Variants in PID1 observed in about 807,000 individuals in gnomAD.
The protein encoded by PID1 is PTB-containing, cubilin and LRP1-interacting protein.
A neutral mutation model predicts 19.1 loss-of-function variants in PID1; 10 were observed. That is an observed-to-expected ratio of 0.52 (90% CI 0.32 to 0.89). The LOEUF is 0.89. Among genes scored for constraint, PID1 ranks in the 40% least tolerant of loss-of-function variants. PID1 has a pLI of 0.03. For synonymous variants in PID1, 130 were observed against 116.0 expected, an observed-to-expected ratio of 1.12 and a Z score of -0.78; for missense variants, 248 against 285.3, an observed-to-expected ratio of 0.87 and a Z score of 0.94.
chr2:229,029,895 T>C (rs534864961), intron 2 of PID1, among the ~76,000 whole-genome samples: 52 of 151,834 alleles, frequency 3.4e-4, no homozygotes, highest in African/African-American at 1.2e-3. Flanking sequence ...GTAGTTCCAC[T>C]TCTGGGTATA....
chr2:229,140,663 T>C (rs560116444), intron 2 of PID1, among the ~76,000 whole-genome samples: 12 of 152,274 alleles, frequency 7.9e-5, no homozygotes, highest in Non-Finnish European at 1.2e-4. Flanking sequence ...TATCCATTAT[T>C]GTTAAAGAAG....
intron 1 of PID1, among the ~76,000 whole-genome samples, chr2:229,157,370 C>T (rs916812488): frequency 8.7e-5 from 13 of 149,486 alleles, no homozygotes; most frequent in African/African-American, 3.2e-4. Flanking sequence ...GCGGAGGTTG[C>T]AGTGAGCCGA....
At chr2:229,065,822 A>G (rs1241287211) in intron 2 of PID1, among the ~76,000 whole-genome samples, 1 of 151,834 alleles carries the variant, frequency 6.6e-6, no homozygotes, top group Non-Finnish European at 1.5e-5. Context: ...CACATAGTCT[A>G]TTGCAACACA....
At chr2:229,074,255 T>A (rs764296347) in intron 2 of PID1, among the ~76,000 whole-genome samples, 11 of 152,144 alleles carry the variant, frequency 7.2e-5, no homozygotes, top group Non-Finnish European at 1.5e-4. Context: ...TCCTCTAGGT[T>A]TTCTGGGAAA....
intron 2 of PID1, among the ~76,000 whole-genome samples, chr2:229,061,409 T>G (rs1412141368): frequency 6.6e-6 from 1 of 151,984 alleles, no homozygotes; most frequent in Non-Finnish European, 1.5e-5. Flanking sequence ...AAAAAACAAT[T>G]GACTATAAAT....
At position 229,091,340 on chromosome 2, in the gene PID1, G is replaced by C. The variant is rs1694873861; in HGVS notation, c.177+64478C>G. ...AGAGAGTCTATTCAAATAAGTAAGA[G>C]ATTCACAAAAACTCCCTCTGGTAAA... On this transcript the variant is annotated intron_variant, in intron 2 of 2. Coordinates refer to ENST00000392055, the MANE Select transcript of PID1 (RefSeq NM_001100818.2). Among the ~76,000 whole-genome samples the C allele has an allele frequency of 2.7e-5, 4 of 147,428 alleles. No homozygotes were observed. The Admixed American group carries it at 2.7e-4, about 10-fold the overall frequency.
At chr2:229,230,114 T>C (rs1473500537) in intron 1 of PID1, among the ~76,000 whole-genome samples, 2 of 152,224 alleles carry the variant, frequency 1.3e-5, no homozygotes, top group South Asian at 2.1e-4. Flanking sequence ...TATACACTTC[T>C]CTAATTGTAA....
intron 1 of PID1, among the ~76,000 whole-genome samples, chr2:229,246,709 T>C (rs1426112258): frequency 6.6e-6 from 1 of 152,166 alleles, no homozygotes; most frequent in Non-Finnish European, 1.5e-5. Flanking sequence ...AAAACCTGCC[T>C]CCAATCCTTC....
intron 2 of PID1, among the ~76,000 whole-genome samples, chr2:229,134,763 A>G (rs1245658909): frequency 6.6e-6 from 1 of 152,204 alleles, no homozygotes; most frequent in Non-Finnish European, 1.5e-5. Flanking sequence ...GTCATGTGGC[A>G]GTATTAAGCA....
At chr2:229,225,186 C>T (rs1427350027) in intron 1 of PID1, among the ~76,000 whole-genome samples, 3 of 152,096 alleles carry the variant, frequency 2.0e-5, no homozygotes, top group Non-Finnish European at 2.9e-5. Flanking sequence ...CAGCTAGATT[C>T]GAGGAAATTT....
chr2:229,161,497 A>G (rs17614232), intron 1 of PID1, among the ~76,000 whole-genome samples: 48,962 of 152,074 alleles, frequency 0.32, 8,655 homozygotes, highest in East Asian at 0.71. Context: ...ATGAAAAATC[A>G]CCTGTGAAAA....
chr2:229,069,139 GTT>G (rs71412190), intron 2 of PID1, among the ~76,000 whole-genome samples: 21,174 of 143,914 alleles, frequency 0.15, 1,709 homozygotes, highest in African/African-American at 0.22. Context: ...AACGAGAAGG[GTT>G]TTTGTGTGTG....
intron 2 of PID1, among the ~76,000 whole-genome samples, chr2:229,059,156 T>C (rs1694161254): frequency 6.6e-6 from 1 of 152,148 alleles, no homozygotes; most frequent in South Asian, 2.1e-4. Flanking sequence ...GGATGAGACA[T>C]GAGGGAGTGG....
At chr2:229,088,111 T>C (rs971163829) in intron 2 of PID1, among the ~76,000 whole-genome samples, 4 of 152,184 alleles carry the variant, frequency 2.6e-5, no homozygotes, top group African/African-American at 9.7e-5. Context: ...CTCCTTTCAC[T>C]AACAGCTCCT....
At chr2:229,133,572 T>C (rs1689789164) in intron 2 of PID1, among the ~76,000 whole-genome samples, 1 of 152,244 alleles carries the variant, frequency 6.6e-6, no homozygotes, top group Non-Finnish European at 1.5e-5. Flanking sequence ...TGATTTCATC[T>C]CAAATCCTTC....
rs142227186 is a variant in PID1, at chr2:229,043,922, C to T, written c.178-17814G>A. 2.0e-3 allele frequency among the ~76,000 whole-genome samples: 312 copies of T among 152,294 alleles called. 1 individual carries two copies. The highest frequency in any genetic ancestry group is 7.0e-3 in the African/African-American group (292 of 41,562). Reference sequence around the variant, plus strand: ...GGCCAGCCAAGGAAGAGCAAGGACACATCCAGCTCAAATCCTTTGAAGTCC... The same window carrying T: ...GGCCAGCCAAGGAAGAGCAAGGACATATCCAGCTCAAATCCTTTGAAGTCC... On this transcript the variant is annotated intron_variant, in intron 2 of 2. Coordinates refer to ENST00000392055, the MANE Select transcript of PID1 (RefSeq NM_001100818.2).
chr2:229,127,057 C>T (rs1465910545), intron 2 of PID1, among the ~76,000 whole-genome samples: 3 of 152,202 alleles, frequency 2.0e-5, no homozygotes, highest in African/African-American at 7.2e-5. Flanking sequence ...AGGCCATCAG[C>T]ACAGTTAATG....
intron 2 of PID1, among the ~76,000 whole-genome samples, chr2:229,084,256 C>T (rs1694722456): frequency 6.6e-6 from 1 of 152,166 alleles, no homozygotes; most frequent in East Asian, 1.9e-4. Context: ...TACAAGTCTT[C>T]TTGCTATTGG....
chr2:229,244,458 C>T lies in PID1; in HGVS notation c.30+26556G>A, dbSNP rs144705643. On this transcript the variant is annotated intron_variant, in intron 1 of 2. Transcript: ENST00000392055. ...TTTTCATCAACAAATATTCATGACC[C>T]TATTTTCCAAAATTCCAACTCTGCC... is the stretch of plus-strand genomic sequence containing the variant. Among the ~76,000 whole-genome samples, 15 of 152,252 alleles carry T rather than the reference C, an allele frequency of 9.9e-5. No homozygotes were observed. The East Asian group carries it at 2.7e-3, about 27-fold the overall frequency.
Sources: allele counts gnomAD v4.1 joint callset (sites outside exome capture counted in the v4.1 genomes callset), GRCh38; gene constraint gnomAD v4.1.1; transcripts MANE v1.5; gene names NCBI Gene and HGNC (gene_info 2026-07-23, HGNC 2026-07-21).